Variants in NR6A1 observed in about 807,000 individuals in gnomAD.
NR6A1 encodes the protein retinoic acid receptor-related testis-associated receptor.
In NR6A1, 7 loss-of-function variants were observed where a neutral mutation model predicts 59.1. The observed-to-expected ratio is 0.12, with a 90% confidence interval of 0.07 to 0.22. NR6A1 has a LOEUF of 0.22. NR6A1 is among the 10% of genes least tolerant of loss of function. NR6A1 has a pLI of 1.00. For missense variants in NR6A1, 468 were observed against 611.6 expected (o/e 0.77, Z 2.48); for synonymous variants, 243 against 236.1 (o/e 1.03, Z -0.27).
At chr9:124,642,634 G>C (rs751007025) in intron 2 of NR6A1, among the ~76,000 whole-genome samples, 1 of 152,186 alleles carries the variant, frequency 6.6e-6, no homozygotes, top group East Asian at 1.9e-4. Flanking sequence ...AACCCCAGTT[G>C]AGAGCCATGT....
intron 2 of NR6A1, among the ~76,000 whole-genome samples, chr9:124,660,036 A>G (rs1444533845): frequency 6.6e-6 from 1 of 152,188 alleles, no homozygotes; most frequent in Non-Finnish European, 1.5e-5. Flanking sequence ...TTTTCCCTTC[A>G]TGGGTTGGAA....
chr9:124,718,471 A>G (rs1449799662), intron 2 of NR6A1, among the ~76,000 whole-genome samples: 3 of 152,234 alleles, frequency 2.0e-5, no homozygotes, highest in Non-Finnish European at 4.4e-5. Flanking sequence ...CAATTTCAAG[A>G]TAACAGAATT....
chr9:124,677,966 A>G (rs1336169512), intron 2 of NR6A1, among the ~76,000 whole-genome samples: 1 of 152,234 alleles, frequency 6.6e-6, no homozygotes, highest in Non-Finnish European at 1.5e-5. Flanking sequence ...ATGCTACCGT[A>G]AAAGAGAACA....
chr9:124,665,010 C>CAAAAAAAA lies in NR6A1; in HGVS notation c.142+68290_142+68297dup, dbSNP rs59451556. Among the ~76,000 whole-genome samples, 25 of 13,748 alleles carry CAAAAAAAA rather than the reference C, an allele frequency of 1.8e-3. 2 individuals carry two copies. Among genetic ancestry groups the CAAAAAAAA allele is most frequent in the Non-Finnish European group, 2.7e-3 (11 of 4,138 alleles). 9.0% of individuals were successfully genotyped at this position (13,748 alleles called of 152,430 possible). ...CAATATAATAAGATCCTTGTATCTC[C>CAAAAAAAA]AAAAAAAAAAAAAAAAAAAAAAAAA... is the stretch of plus-strand genomic sequence containing the variant. On this transcript the variant is annotated intron_variant, in intron 2 of 9. Transcript: ENST00000487099.
intron 7 of NR6A1, among the ~76,000 whole-genome samples, chr9:124,533,799 C>G (rs1041667595): frequency 1.3e-5 from 2 of 152,048 alleles, no homozygotes; most frequent in Non-Finnish European, 2.9e-5. Context: ...TACAGGCGCC[C>G]GCCACCATGC....
chr9:124,610,228 G>A (rs1440858703), intron 2 of NR6A1, among the ~76,000 whole-genome samples: 1 of 152,134 alleles, frequency 6.6e-6, no homozygotes, highest in Non-Finnish European at 1.5e-5. Context: ...TATGATATTG[G>A]CTGTGGGTTT....
At chr9:124,575,659 A>G (rs1834568417) in intron 2 of NR6A1, among the ~76,000 whole-genome samples, 2 of 152,190 alleles carry the variant, frequency 1.3e-5, no homozygotes, top group Admixed American at 1.3e-4. Context: ...CTTAGTCTAT[A>G]TTGCTTAGTC....
chr9:124,637,194 C>T (rs1433221658), intron 2 of NR6A1, among the ~76,000 whole-genome samples: 1 of 152,026 alleles, frequency 6.6e-6, no homozygotes, highest in Non-Finnish European at 1.5e-5. Flanking sequence ...CATTCTAGAC[C>T]GACACAGTAG....
chr9:124,618,434 G>A (rs1041988308), intron 2 of NR6A1, among the ~76,000 whole-genome samples: 1 of 152,080 alleles, frequency 6.6e-6, no homozygotes, highest in African/African-American at 2.4e-5. Flanking sequence ...ATTGAGCCGA[G>A]ATTGCACCAC....
intron 2 of NR6A1, among the ~76,000 whole-genome samples, chr9:124,729,209 A>T (rs1265091444): frequency 2.0e-5 from 3 of 152,180 alleles, no homozygotes; most frequent in African/African-American, 7.2e-5. Context: ...AAGGTCACGT[A>T]TTTGGAAATT....
At chr9:124,731,821 G>GT (rs1247577956) in intron 2 of NR6A1, among the ~76,000 whole-genome samples, 5 of 152,114 alleles carry the variant, frequency 3.3e-5, no homozygotes, top group Non-Finnish European at 7.3e-5. Flanking sequence ...TACTGATTAT[G>GT]TTATCGGCCA....
rs564401435 is a variant in NR6A1 at position 124,599,612 on chromosome 9, G to A, written c.143-45042C>T. 192 of 1,176,428 alleles carry A rather than the reference G, an allele frequency of 1.6e-4. 5 individuals carry two copies. The South Asian group carries it at 2.6e-3, about 16-fold the overall frequency. The allele number at this position is 1,176,428 out of a possible 1,614,324, so 72.9% of individuals were successfully genotyped here. A position where few individuals can be genotyped will look rare whatever the true frequency, so the allele number is the denominator to read the frequency against. ...GCGGCGGCGGCGGCCGCTCGGCTGA[G>A]TCGGTCGTCGCCGGCTCCGCGGCCT... is the stretch of plus-strand genomic sequence containing the variant. On this transcript the variant is annotated intron_variant, in intron 2 of 9. Coordinates refer to ENST00000487099, the MANE Select transcript of NR6A1 (RefSeq NM_033334.4).
At position 124,771,030 on chromosome 9, in the gene NR6A1, C is replaced by T. The variant is rs895842867; in HGVS notation, c.90G>A (p.Pro30=). The change falls in exon 1 of 10, where the codon CCG becomes CCA. Residue 30 remains proline, a synonymous_variant. Coordinates refer to ENST00000487099, the MANE Select transcript of NR6A1 (RefSeq NM_033334.4). ...FLEPPAALPP[P]PRNGFCQDEL... ...AGGCCCCTCACCCACCGTTGCGCGG[C>T]GGCGGAGGGAGCGCGGCGGGAGGCT... is the stretch of plus-strand genomic sequence containing the variant. 8.1e-7 allele frequency: 1 copy of T among 1,229,598 alleles called. No individual in the cohort carries two copies. The highest frequency in any genetic ancestry group is 1.0e-6 in the Non-Finnish European group (1 of 986,292). The allele number at this position is 1,229,598 out of a possible 1,614,324, so 76.2% of individuals were successfully genotyped here.
At chr9:124,596,683 C>T (rs1202163447) in intron 2 of NR6A1, among the ~76,000 whole-genome samples, 3 of 152,176 alleles carry the variant, frequency 2.0e-5, no homozygotes, top group African/African-American at 7.2e-5. Flanking sequence ...CTATAGCTTC[C>T]CTGATTCATG....
chr9:124,594,099 C>T (rs752601159), intron 2 of NR6A1, among the ~76,000 whole-genome samples: 2 of 152,156 alleles, frequency 1.3e-5, no homozygotes, highest in Admixed American at 6.6e-5. Context: ...TTTACAGTAG[C>T]ATTTTCACTG....
chr9:124,599,632 C>T (rs1835392544), intron 2 of NR6A1: 3 of 1,168,294 alleles, frequency 2.6e-6, no homozygotes, highest in South Asian at 1.5e-5. Flanking sequence ...GCCGGCTCCG[C>T]GGCCTCTCGG....
chr9:124,730,390 G>C (rs540398321), intron 2 of NR6A1, among the ~76,000 whole-genome samples: 12 of 151,864 alleles, frequency 7.9e-5, no homozygotes, highest in East Asian at 2.0e-4. Context: ...ACCACACCTG[G>C]ATAATTTTTA....
At chr9:124,721,786 G>A (rs1564253759) in intron 2 of NR6A1, among the ~76,000 whole-genome samples, 1 of 152,064 alleles carries the variant, frequency 6.6e-6, no homozygotes, top group African/African-American at 2.4e-5. Flanking sequence ...TCATTACACT[G>A]CCTTAAAGTC....
intron 2 of NR6A1, among the ~76,000 whole-genome samples, chr9:124,603,309 G>T (rs965949467): frequency 4.6e-5 from 7 of 152,090 alleles, no homozygotes; most frequent in Non-Finnish European, 1.0e-4. Flanking sequence ...TTGTGTGGGT[G>T]GGGTACAGTT....
Sources: gnomAD v4.1 joint callset for allele counts (sites outside exome capture counted in the v4.1 genomes callset) on GRCh38, gnomAD v4.1.1 for gene constraint, MANE v1.5 for transcripts, NCBI Gene and HGNC (gene_info 2026-07-23, HGNC 2026-07-21) for gene names.